The following PTPRJ variants were observed in gnomAD, a reference collection of about 807,000 sequenced individuals.
PTPRJ encodes protein tyrosine phosphatase receptor type J, also known as receptor-type tyrosine-protein phosphatase eta.
In PTPRJ, 129 loss-of-function variants were observed where a neutral mutation model predicts 141.3. The ratio of observed to expected loss-of-function variants is 0.91; its 90% CI spans 0.79 to 1.06. The LOEUF (loss-of-function observed/expected upper bound fraction) is 1.06, where lower values mean the gene tolerates loss of function less well. Ranked by LOEUF, PTPRJ falls within the 50% of genes least tolerant of loss-of-function variation. The pLI is 0.00. For synonymous variants in PTPRJ, 610 were observed against 640.5 expected (o/e 0.95, Z 0.72); for missense variants, 1,601 against 1,679.7 (o/e 0.95, Z 0.82).
chr11:48,139,073 C>A (rs535195284), intron 10 of PTPRJ, among the ~76,000 whole-genome samples: 1 of 152,138 alleles, frequency 6.6e-6, no homozygotes, highest in South Asian at 2.1e-4. Flanking sequence ...GTGGACGTTG[C>A]GGTGAGCTGA....
At chr11:48,048,653 G>T (rs1438112480) in intron 1 of PTPRJ, among the ~76,000 whole-genome samples, 3 of 152,078 alleles carry the variant, frequency 2.0e-5, no homozygotes, top group Non-Finnish European at 4.4e-5. Context: ...AATTAACCGG[G>T]TGTGATGGCG....
intron 7 of PTPRJ, 30 bp downstream of exon 7, chr11:48,128,073 T>A (rs1436538961): frequency 6.3e-7 from 1 of 1,599,528 alleles, no homozygotes. Flanking sequence ...TCACCACCCT[T>A]TCCTGCTGTC....
intron 1 of PTPRJ, among the ~76,000 whole-genome samples, chr11:48,063,655 T>C (rs1190445327): frequency 1.3e-5 from 2 of 152,238 alleles, no homozygotes; most frequent in Admixed American, 6.5e-5. Flanking sequence ...TTGCTCTGAC[T>C]GATACACTTG....
At chr11:48,040,083 CT>C (rs1854236923) in intron 1 of PTPRJ, among the ~76,000 whole-genome samples, 1 of 152,256 alleles carries the variant, frequency 6.6e-6, no homozygotes, top group South Asian at 2.1e-4. Context: ...GCCACACCGC[CT>C]GGCCGCTTTT....
chr11:48,128,088 T>G lies in PTPRJ; in HGVS notation c.1357+45T>G, dbSNP rs775500178. The G allele has an allele frequency of 1.5e-5, 23 of 1,578,598 alleles. No individual in the cohort carries two copies. The Middle Eastern group carries it at 5.1e-4, about 35-fold the overall frequency. ...TCACCACCCTTTCCTGCTGTCCTGC[T>G]CCGTGCCAGGCCCAGACACAGGATG... is the stretch of plus-strand genomic sequence containing the variant. On this transcript the variant is annotated intron_variant, in intron 7 of 24. Transcript: ENST00000418331.
chr11:48,122,563 G>A (rs931985570), intron 4 of PTPRJ, among the ~76,000 whole-genome samples: 2 of 152,186 alleles, frequency 1.3e-5, no homozygotes, highest in Non-Finnish European at 2.9e-5. Context: ...AGTTTCTTCC[G>A]GTGTCTCAGA....
chr11:48,137,201 C>T lies in PTPRJ; in HGVS notation c.2072C>T (p.Ser691Leu), dbSNP rs1857124028. The T allele has an allele frequency of 6.2e-7, 1 of 1,613,806 alleles. No homozygotes were observed. Among genetic ancestry groups the T allele is most frequent in the South Asian group, 1.1e-5 (1 of 91,086 alleles). ...ACAGTCACTGAATTAATACCTGGCTCATCATACACAGTGGAGATCTTTGCA... is the reference window on the plus strand; with the variant it reads ...ACAGTCACTGAATTAATACCTGGCTTATCATACACAGTGGAGATCTTTGCA... ...DATVTELIPG[S>L]SYTVEIFAQV... Residue 691 changes from serine to leucine, a missense_variant, in exon 10 of 25, where the codon TCA (serine) becomes TTA (leucine). Coordinates refer to ENST00000418331, the MANE Select transcript of PTPRJ (RefSeq NM_002843.4).
intron 1 of PTPRJ, among the ~76,000 whole-genome samples, chr11:47,985,775 A>G (rs1044957467): frequency 6.6e-6 from 1 of 152,048 alleles, no homozygotes; most frequent in African/African-American, 2.4e-5. Context: ...ATCTCGGCTC[A>G]CTGCAACCTC....
At chr11:48,026,177 C>G (rs1377244757) in intron 1 of PTPRJ, among the ~76,000 whole-genome samples, 1 of 152,160 alleles carries the variant, frequency 6.6e-6, no homozygotes, top group Admixed American at 6.5e-5. Flanking sequence ...AGGTTCGAGT[C>G]TTACTTACTG....
At chr11:48,041,123 C>G (rs1182545715) in intron 1 of PTPRJ, among the ~76,000 whole-genome samples, 1 of 152,018 alleles carries the variant, frequency 6.6e-6, no homozygotes, top group Non-Finnish European at 1.5e-5. Context: ...ACTGAGCTCA[C>G]TATGCTGGGT....
At chr11:48,159,783 A>C (rs975401694) in intron 21 of PTPRJ, 147 bp from the exon 22 acceptor site, 3 of 973,816 alleles carry the variant, frequency 3.1e-6, no homozygotes, top group Non-Finnish European at 4.5e-6. Flanking sequence ...ATAAAATAAA[A>C]AAATTCGAAG....
At chr11:48,130,737 G>A in intron 8 of PTPRJ, 21 bp downstream of exon 8, 1 of 1,565,232 alleles carries the variant, frequency 6.4e-7, no homozygotes, top group Non-Finnish European at 8.7e-7. Flanking sequence ...AGGCTTTTCT[G>A]TTAAACCATC....
chr11:48,065,419 C>A (rs1365120703), intron 1 of PTPRJ, among the ~76,000 whole-genome samples: 3 of 152,174 alleles, frequency 2.0e-5, no homozygotes, highest in Admixed American at 2.0e-4. Context: ...CTGCCTTCTT[C>A]TTGTCTTCAT....
intron 1 of PTPRJ, among the ~76,000 whole-genome samples, chr11:48,066,617 G>T (rs926776787): frequency 6.6e-5 from 10 of 150,618 alleles, no homozygotes; most frequent in Non-Finnish European, 1.3e-4. Flanking sequence ...ACTGAGTCTC[G>T]CTGTGTCGCC....
At chr11:47,998,520 C>G (rs1362694557) in intron 1 of PTPRJ, among the ~76,000 whole-genome samples, 3 of 152,178 alleles carry the variant, frequency 2.0e-5, no homozygotes. Flanking sequence ...GTATGTGGCT[C>G]TCCTGTAATC....
At chr11:48,037,204 A>G (rs1011570201) in intron 1 of PTPRJ, among the ~76,000 whole-genome samples, 3 of 152,182 alleles carry the variant, frequency 2.0e-5, no homozygotes, top group African/African-American at 7.2e-5. Flanking sequence ...GTAGAGTAAC[A>G]TATTTTCTAT....
chr11:48,121,345 G>A (rs964430173), intron 4 of PTPRJ, 79 bp downstream of exon 4: 1 of 1,460,610 alleles, frequency 6.8e-7, no homozygotes, highest in African/African-American at 1.4e-5. Flanking sequence ...CGTTCAAGTT[G>A]CCTGTTGGAA....
Position 48,156,031 on chromosome 11 carries a change from C to A in PTPRJ, c.3350C>A (p.Pro1117Gln). The change falls in exon 21 of 25, where the codon CCG (proline) becomes CAG (glutamine). Residue 1117 changes from proline (P) to glutamine (Q), a missense_variant. Transcript: ENST00000418331. Reference sequence around the variant, plus strand: ...TTTATTGCCACACAAGGACCTTTACCGAACACTTTGAAAGATTTTTGGCGT... The same window carrying A: ...TTTATTGCCACACAAGGACCTTTACAGAACACTTTGAAAGATTTTTGGCGT... Reference protein sequence around the residue: ...KDFIATQGPLPNTLKDFWRMV... With the variant: ...KDFIATQGPLQNTLKDFWRMV... 1.9e-6 allele frequency: 3 copies of A among 1,606,962 alleles called. No individual in the cohort carries two copies. The highest frequency in any genetic ancestry group is 2.2e-5 in the South Asian group (2 of 90,880).
At chr11:48,038,333 A>G (rs986928162) in intron 1 of PTPRJ, among the ~76,000 whole-genome samples, 1 of 152,122 alleles carries the variant, frequency 6.6e-6, no homozygotes, top group African/African-American at 2.4e-5. Flanking sequence ...GGCAATTTCT[A>G]TGCTGATCTC....
Sources: allele counts gnomAD v4.1 joint callset (sites outside exome capture counted in the v4.1 genomes callset), GRCh38; gene constraint gnomAD v4.1.1; transcripts MANE v1.5; gene names NCBI Gene and HGNC (gene_info 2026-07-23, HGNC 2026-07-21).